Variants in BICD2 observed in about 807,000 individuals in gnomAD.
BICD2 encodes protein bicaudal D homolog 2.
A neutral mutation model predicts 72.9 loss-of-function variants in BICD2; 25 were observed. That is an observed-to-expected ratio of 0.34 (90% CI 0.25 to 0.48). The LOEUF is 0.48. Ranked by LOEUF, BICD2 falls within the 20% of genes least tolerant of loss-of-function variation. BICD2 has a pLI of 0.99. For synonymous variants in BICD2, 501 were observed against 516.1 expected, an observed-to-expected ratio of 0.97 and a Z score of 0.40; for missense variants, 894 against 1,175.2, an observed-to-expected ratio of 0.76 and a Z score of 3.50.
intron 2 of BICD2, among the ~76,000 whole-genome samples, chr9:92,726,490 G>A (rs1334144554): frequency 1.3e-5 from 2 of 152,186 alleles, no homozygotes; most frequent in African/African-American, 2.4e-5. Flanking sequence ...CGCTGGGGGT[G>A]GGCACAGAGA....
intron 1 of BICD2, among the ~76,000 whole-genome samples, chr9:92,730,631 G>A (rs1853660976): frequency 6.6e-6 from 1 of 152,180 alleles, no homozygotes; most frequent in Non-Finnish European, 1.5e-5. Flanking sequence ...TATGGCAGGT[G>A]TGGTGACATG....
chr9:92,758,676 C>A (rs1326760507), intron 1 of BICD2, among the ~76,000 whole-genome samples: 1 of 151,360 alleles, frequency 6.6e-6, no homozygotes, highest in South Asian at 2.1e-4. Flanking sequence ...CATGGAGAAA[C>A]CCCATCTCTA....
At chr9:92,722,900 A>G in intron 2 of BICD2, 92 bp from the exon 3 acceptor site, 1 of 1,521,412 alleles carries the variant, frequency 6.6e-7, no homozygotes, top group Admixed American at 1.8e-5. Context: ...CCAGCCATAC[A>G]GCCAGAACTC....
At chr9:92,721,053 C>A (rs1328449382) in intron 3 of BICD2, among the ~76,000 whole-genome samples, 2 of 152,236 alleles carry the variant, frequency 1.3e-5, no homozygotes, top group African/African-American at 4.8e-5. Context: ...GCACAAATGT[C>A]TGAGGTGGCC....
At position 92,713,768 on chromosome 9, in the gene BICD2, G is replaced by A. The variant is rs1437422782; in HGVS notation, c.*1386C>T. On this transcript the variant is annotated 3_prime_UTR_variant, in exon 7 of 7. Transcript: ENST00000356884. ...TCTGGGCCCAGGATGAACACGCAGG[G>A]GACATACATGGGCGTGTCCTGGAGT... 1.3e-5 allele frequency: 17 copies of A among 1,288,512 alleles called. No individual in the cohort carries two copies. In the East Asian group the frequency reaches 6.0e-4, roughly 45 times the overall value. The allele number at this position is 1,288,512 out of a possible 1,614,324, so 79.8% of individuals were successfully genotyped here. A position where few individuals can be genotyped will look rare whatever the true frequency, so the allele number is the denominator to read the frequency against.
Position 92,711,925 on chromosome 9 carries a change from C to T in BICD2, c.*3229G>A, listed in dbSNP as rs1853202867. The T allele has an allele frequency of 1.3e-5, 2 of 152,602 alleles. No individual in the cohort carries two copies. The highest frequency in any genetic ancestry group is 2.9e-5 in the Non-Finnish European group (2 of 68,028). 9.5% of individuals were successfully genotyped at this position (152,602 alleles called of 1,614,324 possible). The stretch of plus-strand genomic sequence containing the variant: ...AATTTGACCACTCCCACTAACCTCA[C>T]TCAGCAAACAAAACAGGATGTAGAC... On this transcript the variant is annotated 3_prime_UTR_variant, in exon 7 of 7. Transcript: ENST00000356884.
intron 5 of BICD2, among the ~76,000 whole-genome samples, chr9:92,718,197 G>A (rs1853363169): frequency 6.6e-6 from 1 of 152,212 alleles, no homozygotes. Flanking sequence ...CCTCCACGAA[G>A]CCCCACAATT....
rs746003524 is a variant in BICD2, at chr9:92,715,306, T to A, written c.2416A>T (p.Thr806Ser). The A allele has an allele frequency of 3.1e-6, 5 of 1,612,782 alleles. No individual in the cohort carries two copies. The East Asian group carries it at 6.7e-5, about 22-fold the overall frequency. ...LELLELDHEQ[T>S]RRGRAKAAPK... is the part of the protein sequence containing the mutation. ...GCGGCTTTGGCACGGCCACGCCGGG[T>A]CTGCTCATGGTCCAGCTCGAGCAGC... Residue 806 changes from threonine to serine, a missense_variant, in exon 7 of 7, where the codon ACC (threonine) becomes TCC (serine). Coordinates refer to ENST00000356884, the MANE Select transcript of BICD2 (RefSeq NM_001003800.2).
chr9:92,757,853 T>C (rs1397364075), intron 1 of BICD2, among the ~76,000 whole-genome samples: 5 of 152,252 alleles, frequency 3.3e-5, no homozygotes, highest in African/African-American at 1.2e-4. Context: ...GGACTCACTC[T>C]ATTACTCTCT....
intron 1 of BICD2, among the ~76,000 whole-genome samples, chr9:92,740,288 C>T (rs780430095): frequency 1.3e-4 from 19 of 151,992 alleles, no homozygotes; most frequent in Admixed American, 2.0e-4. Flanking sequence ...TGGTGTACCA[C>T]GGAACAAAGT....
chr9:92,739,151 C>A lies in BICD2; in HGVS notation c.241-9915G>T, dbSNP rs568811688. ...AGCAGGGGGAAGGTCTGATCCTCAT[C>A]CACTCGACGGGCTGTGAATACCTTC... On this transcript the variant is annotated intron_variant, in intron 1 of 6. Coordinates refer to ENST00000356884, the MANE Select transcript of BICD2 (RefSeq NM_001003800.2). Among the ~76,000 whole-genome samples, 5 of 152,356 alleles carry A rather than the reference C, an allele frequency of 3.3e-5. No individual in the cohort carries two copies. In the East Asian group the frequency reaches 5.8e-4, roughly 18 times the overall value.
chr9:92,718,551 C>A lies in BICD2; in HGVS notation c.2094G>T (p.Lys698Asn). 6.2e-7 allele frequency: 1 copy of A among 1,610,428 alleles called. No individual in the cohort carries two copies. Among genetic ancestry groups the A allele is most frequent in the South Asian group, 1.1e-5 (1 of 90,848 alleles). The change falls in exon 5 of 7, where the codon AAG becomes AAT. Residue 698 changes from lysine to asparagine, a missense_variant. Around this residue, in one of 5 missense-constraint regions of BICD2, gnomAD observed 321 missense variants for 443.9 expected, o/e 0.72. Coordinates refer to ENST00000356884, the MANE Select transcript of BICD2 (RefSeq NM_001003800.2). Reference protein sequence around the residue: ...EQITTLRTVLKANKQTAEVAL... With the variant: ...EQITTLRTVLNANKQTAEVAL... Reference sequence around the variant, plus strand: ...CCTGGCACCTCACCTGCTTGTTGGCCTTGAGCACAGTGCGCAGCGTGGTGA... The same window carrying A: ...CCTGGCACCTCACCTGCTTGTTGGCATTGAGCACAGTGCGCAGCGTGGTGA...
intron 6 of BICD2, among the ~76,000 whole-genome samples, chr9:92,716,024 C>T (rs186004262): frequency 2.0e-5 from 3 of 152,260 alleles, no homozygotes; most frequent in African/African-American, 7.2e-5. Context: ...AACCCGGGTG[C>T]GGAGCTGTGG....
chr9:92,724,487 C>G (rs1223559935), intron 2 of BICD2, among the ~76,000 whole-genome samples: 1 of 152,218 alleles, frequency 6.6e-6, no homozygotes, highest in Non-Finnish European at 1.5e-5. Context: ...TGGACGCAGA[C>G]ATGGCCCTCT....
In BICD2 at chr9:92,718,724, G is replaced by A. The variant is rs763716718; in HGVS notation, c.1921C>T (p.Leu641=). The A allele has an allele frequency of 1.7e-5, 27 of 1,614,044 alleles. No individual in the cohort carries two copies. In the South Asian group the frequency reaches 2.6e-4, roughly 16 times the overall value. ...IAIIRDQIKH[L]QAAVDRTTEL... ...GTGGTGCGGTCCACGGCTGCCTGCA[G>A]GTGCTTGATCTGGTCACGGATGATA... The change falls in exon 5 of 7, where the codon CTG becomes TTG. Residue 641 remains leucine (L), a synonymous_variant. Transcript: ENST00000356884.
Position 92,714,979 on chromosome 9 carries a change from C to A in BICD2, c.*175G>T. ...TGAGGGGGCTTTGAGGAGTGAGAAG[C>A]GACACAAAGCTCTCACAAGTGTCCT... On this transcript the variant is annotated 3_prime_UTR_variant, in exon 7 of 7. Transcript: ENST00000356884. The A allele has an allele frequency of 7.1e-7, 1 of 1,402,630 alleles. No homozygotes were observed. The highest frequency in any genetic ancestry group is 9.2e-7 in the Non-Finnish European group (1 of 1,081,374). The allele number at this position is 1,402,630 out of a possible 1,614,324, so 86.9% of individuals were successfully genotyped here. A position where few individuals can be genotyped will look rare whatever the true frequency, so the allele number is the denominator to read the frequency against.
At position 92,718,717 on chromosome 9, in the gene BICD2, G is replaced by A. The variant is rs752535272; in HGVS notation, c.1928C>T (p.Ala643Val). 7 of 1,614,000 alleles carry A rather than the reference G, an allele frequency of 4.3e-6. No homozygotes were observed. The highest frequency in any genetic ancestry group is 1.3e-5 in the African/African-American group (1 of 74,946). The change falls in exon 5 of 7, where the codon GCA becomes GTA. Residue 643 changes from alanine to valine, a missense_variant. Around this residue, in one of 5 missense-constraint regions of BICD2, gnomAD observed 321 missense variants for 443.9 expected, o/e 0.72. Transcript: ENST00000356884. ...IIRDQIKHLQ[A>V]AVDRTTELSR... The stretch of plus-strand genomic sequence containing the variant: ...CAGCTCCGTGGTGCGGTCCACGGCT[G>A]CCTGCAGGTGCTTGATCTGGTCACG...
At chr9:92,735,297 G>T (rs1853758909) in intron 1 of BICD2, among the ~76,000 whole-genome samples, 1 of 152,150 alleles carries the variant, frequency 6.6e-6, no homozygotes, top group African/African-American at 2.4e-5. Context: ...AGGGAGGCCA[G>T]GTCCTGCACA....
chr9:92,725,293 C>A (rs931014040), intron 2 of BICD2, among the ~76,000 whole-genome samples: 1 of 152,234 alleles, frequency 6.6e-6, no homozygotes, highest in Admixed American at 6.5e-5. Context: ...AACACAGAGG[C>A]ACACCCAGGT....
Sources: allele counts gnomAD v4.1 joint callset (sites outside exome capture counted in the v4.1 genomes callset), GRCh38; gene constraint gnomAD v4.1.1; regional missense constraint gnomAD v4.1.1; transcripts MANE v1.5; gene names NCBI Gene and HGNC (gene_info 2026-07-23, HGNC 2026-07-21).